Variants in NEDD4L observed in about 807,000 individuals in gnomAD.
The protein encoded by NEDD4L is E3 ubiquitin-protein ligase NEDD4-like.
Under a neutral mutation model 148.9 loss-of-function variants are expected in NEDD4L, and 54 were observed. The observed-to-expected ratio is 0.36, with a 90% CI of 0.29 to 0.45. NEDD4L has a LOEUF of 0.45. Ranked by LOEUF, NEDD4L falls within the 20% of genes least tolerant of loss-of-function variation. The probability of loss-of-function intolerance (pLI) is 1.00; values close to 1 mark genes in which losing one functional copy is unlikely to be tolerated. For missense variants in NEDD4L, 856 were observed against 1,233.8 expected (o/e 0.69, Z 4.59); for synonymous variants, 433 against 440.7 (o/e 0.98, Z 0.22).
intron 1 of NEDD4L, among the ~76,000 whole-genome samples, chr18:58,060,791 T>G (rs2082298180): frequency 6.6e-6 from 1 of 151,864 alleles, no homozygotes; most frequent in Non-Finnish European, 1.5e-5. Context: ...GGAGTTTTGC[T>G]CTTGTTGCGC....
At chr18:58,282,153 G>A (rs4941377) in intron 5 of NEDD4L, among the ~76,000 whole-genome samples, 27,743 of 118,014 alleles carry the variant, frequency 0.24, 3,080 homozygotes, top group East Asian at 0.3. Context: ...GTCTCTCTGA[G>A]TTTCACAAAA....
At chr18:58,324,881 C>A in intron 8 of NEDD4L, 115 bp from the exon 9 acceptor site, 1 of 946,812 alleles carries the variant, frequency 1.1e-6, no homozygotes, top group Non-Finnish European at 1.6e-6. Flanking sequence ...GAAGCCATGG[C>A]TAGAGCCAGA....
intron 1 of NEDD4L, among the ~76,000 whole-genome samples, chr18:58,097,472 A>C (rs2084487304): frequency 6.6e-6 from 1 of 152,226 alleles, no homozygotes; most frequent in Non-Finnish European, 1.5e-5. Flanking sequence ...AGGACATCAG[A>C]AACAAAGGAT....
chr18:58,264,587 T>C (rs2049949826), intron 5 of NEDD4L, among the ~76,000 whole-genome samples: 1 of 152,124 alleles, frequency 6.6e-6, no homozygotes, highest in South Asian at 2.1e-4. Context: ...TTAACATGCA[T>C]ACAGTGTGTA....
intron 1 of NEDD4L, among the ~76,000 whole-genome samples, chr18:58,145,233 G>T (rs1346924875): frequency 6.6e-6 from 1 of 152,136 alleles, no homozygotes; most frequent in Non-Finnish European, 1.5e-5. Flanking sequence ...TTTCATTTGT[G>T]GGGGTCCAAG....
At chr18:58,053,928 T>C (rs1464864915) in intron 1 of NEDD4L, among the ~76,000 whole-genome samples, 1 of 152,206 alleles carries the variant, frequency 6.6e-6, no homozygotes, top group Non-Finnish European at 1.5e-5. Context: ...GTTTTAGTTT[T>C]ATGTTTTGGC....
intron 11 of NEDD4L, among the ~76,000 whole-genome samples, chr18:58,333,512 G>T (rs943251733): frequency 2.6e-5 from 4 of 152,182 alleles, no homozygotes; most frequent in African/African-American, 9.6e-5. Context: ...GCTTCTTTCT[G>T]TTTGTAAAGC....
At chr18:58,077,676 G>T (rs1020808967) in intron 1 of NEDD4L, among the ~76,000 whole-genome samples, 1 of 152,078 alleles carries the variant, frequency 6.6e-6, no homozygotes, top group Non-Finnish European at 1.5e-5. Context: ...GTGATGCATC[G>T]GGTTTGGGAT....
At chr18:58,101,346 C>T (rs910292478) in intron 1 of NEDD4L, among the ~76,000 whole-genome samples, 21 of 152,102 alleles carry the variant, frequency 1.4e-4, no homozygotes, top group Non-Finnish European at 2.5e-4. Context: ...TCTCTGAGGG[C>T]GATGTCCTCC....
intron 1 of NEDD4L, among the ~76,000 whole-genome samples, chr18:58,094,376 G>A (rs778864131): frequency 8.6e-5 from 13 of 151,626 alleles, no homozygotes; most frequent in Admixed American, 3.3e-4. Context: ...TTATAGAGAC[G>A]GGATTTCTCC....
At chr18:58,197,257 A>G (rs917136572) in intron 2 of NEDD4L, among the ~76,000 whole-genome samples, 7 of 152,188 alleles carry the variant, frequency 4.6e-5, no homozygotes, top group African/African-American at 1.7e-4. Flanking sequence ...GACAAACGCC[A>G]TAAACCTTAA....
chr18:58,229,469 G>T lies in NEDD4L; in HGVS notation c.123-15958G>T, dbSNP rs137920683. Among the ~76,000 whole-genome samples, 321 of 152,280 alleles carry T rather than the reference G, an allele frequency of 2.1e-3. 2 individuals are homozygous for T. Among genetic ancestry groups the T allele is most frequent in the African/African-American group, 7.5e-3 (312 of 41,568 alleles). On this transcript the variant is annotated intron_variant, in intron 2 of 30. Transcript: ENST00000400345. Reference sequence around the variant, plus strand: ...TTGTCCCCTAATAACCTAGCTGGGGGGGAGCTCATGTCTCTGTTTGTGCTA... The same window carrying T: ...TTGTCCCCTAATAACCTAGCTGGGGTGGAGCTCATGTCTCTGTTTGTGCTA...
At chr18:58,160,394 T>C (rs933778569) in intron 1 of NEDD4L, among the ~76,000 whole-genome samples, 2 of 152,216 alleles carry the variant, frequency 1.3e-5, no homozygotes, top group South Asian at 4.1e-4. Flanking sequence ...GAAAAACATA[T>C]GTAAAGCTTA....
chr18:58,145,616 G>T (rs891267704), intron 1 of NEDD4L, among the ~76,000 whole-genome samples: 1 of 147,296 alleles, frequency 6.8e-6, no homozygotes, highest in Admixed American at 6.8e-5. Flanking sequence ...ACCTATGGAT[G>T]TTTAAGGAAT....
chr18:58,345,484 T>C (rs901114795), intron 16 of NEDD4L, among the ~76,000 whole-genome samples: 1 of 151,932 alleles, frequency 6.6e-6, no homozygotes, highest in African/African-American at 2.4e-5. Flanking sequence ...AGCATTAGAA[T>C]AGAAAAAGGA....
At chr18:58,239,793 C>T (rs939444791) in intron 2 of NEDD4L, among the ~76,000 whole-genome samples, 1 of 152,184 alleles carries the variant, frequency 6.6e-6, no homozygotes, top group Non-Finnish European at 1.5e-5. Flanking sequence ...TGGAACAAGA[C>T]CCTTGAATAA....
intron 1 of NEDD4L, among the ~76,000 whole-genome samples, chr18:58,128,309 C>T (rs1440635376): frequency 2.0e-5 from 3 of 152,096 alleles, no homozygotes; most frequent in Non-Finnish European, 2.9e-5. Context: ...GGCCTCCCAG[C>T]GTGCTCATTT....
Position 58,367,794 on chromosome 18 carries a change from G to A in NEDD4L, c.2112G>A (p.Glu704=). The change falls in exon 22 of 31, where the codon GAG becomes GAA. Residue 704 remains glutamate, a synonymous_variant. Coordinates refer to ENST00000400345, the MANE Select transcript of NEDD4L (RefSeq NM_001144967.3). ...QINPNSGLCN[E]DHLSYFTFIG... is the part of the protein sequence containing the mutation. ...ACCCTAATTCAGGCCTCTGTAATGA[G>A]GATCATTTGTCCTACTTCACTTTTA... 1 of 1,613,848 alleles carries A rather than the reference G, an allele frequency of 6.2e-7. No individual in the cohort carries two copies. The highest frequency in any genetic ancestry group is 8.5e-7 in the Non-Finnish European group (1 of 1,179,772).
chr18:58,153,334 CTTT>C (rs58164854), intron 1 of NEDD4L, among the ~76,000 whole-genome samples: 23 of 128,126 alleles, frequency 1.8e-4, no homozygotes, highest in Admixed American at 2.4e-4. Context: ...AAGAGATTGA[CTTT>C]TTTTTTTTTT....
Sources: allele counts gnomAD v4.1 joint callset (sites outside exome capture counted in the v4.1 genomes callset), GRCh38; gene constraint gnomAD v4.1.1; transcripts MANE v1.5; gene names NCBI Gene and HGNC (gene_info 2026-07-23, HGNC 2026-07-21).